Variants in TAF3 observed in about 807,000 individuals in gnomAD.
TAF3 encodes the protein transcription initiation factor TFIID subunit 3.
In TAF3, 7 loss-of-function variants were observed where a neutral mutation model predicts 80.6. The ratio of observed to expected loss-of-function variants is 0.09; its 90% confidence interval spans 0.05 to 0.16. TAF3 has a LOEUF of 0.16. Among genes scored for constraint, TAF3 ranks in the 10% least tolerant of loss-of-function variants. The pLI is 1.00. For synonymous variants in TAF3, 444 were observed against 446.1 expected (o/e 1.00, Z 0.06); for missense variants, 921 against 1,140.2 (o/e 0.81, Z 2.77).
intron 2 of TAF3, among the ~76,000 whole-genome samples, chr10:7,882,829 A>G (rs991388909): frequency 5.3e-5 from 8 of 152,218 alleles, no homozygotes; most frequent in African/African-American, 1.9e-4. Flanking sequence ...AAGATACAAG[A>G]ATAGCACAAA....
At chr10:7,976,555 C>T (rs879919524) in intron 3 of TAF3, among the ~76,000 whole-genome samples, 31 of 152,014 alleles carry the variant, frequency 2.0e-4, no homozygotes, top group Non-Finnish European at 2.9e-4. Context: ...GCTGGGACTA[C>T]AGGCGCCCGC....
chr10:8,015,786 G>A lies in TAF3; in HGVS notation c.*1035G>A, dbSNP rs1832097874. The A allele has an allele frequency of 6.6e-6, 1 of 151,492 alleles. No homozygotes were observed. 9.4% of individuals were successfully genotyped at this position (151,492 alleles called of 1,614,324 possible). A position where few individuals can be genotyped will look rare whatever the true frequency, so the allele number is the denominator to read the frequency against. ...TTTATGACTTGAAGTTGTTTTGTTT[G>A]TTGTCTATTTTGTTTTTGTAAATTT... On this transcript the variant is annotated 3_prime_UTR_variant, in exon 7 of 7. Coordinates refer to ENST00000344293, the MANE Select transcript of TAF3 (RefSeq NM_031923.4).
chr10:7,935,413 G>A (rs1588557737), intron 2 of TAF3, among the ~76,000 whole-genome samples: 2 of 151,838 alleles, frequency 1.3e-5, no homozygotes, highest in East Asian at 1.9e-4. Flanking sequence ...GTGAAACCCC[G>A]TCTTGACTAA....
At chr10:7,840,244 A>C (rs936684013) in intron 2 of TAF3, among the ~76,000 whole-genome samples, 1 of 150,306 alleles carries the variant, frequency 6.7e-6, no homozygotes, top group Non-Finnish European at 1.5e-5. Context: ...ACTCCACCTC[A>C]TGGGTTCACG....
At chr10:7,828,550 A>G (rs1836766096) in intron 2 of TAF3, among the ~76,000 whole-genome samples, 1 of 152,126 alleles carries the variant, frequency 6.6e-6, no homozygotes, top group African/African-American at 2.4e-5. Flanking sequence ...CCAGCTTGCC[A>G]TACATATTTT....
intron 4 of TAF3, among the ~76,000 whole-genome samples, chr10:7,999,307 A>G (rs1831920311): frequency 1.3e-5 from 2 of 152,230 alleles, no homozygotes; most frequent in African/African-American, 2.4e-5. Flanking sequence ...TTGACTGTCT[A>G]ATGTGGATGA....
chr10:7,835,660 G>A (rs944880554), intron 2 of TAF3, among the ~76,000 whole-genome samples: 1 of 152,224 alleles, frequency 6.6e-6, no homozygotes, highest in African/African-American at 2.4e-5. Flanking sequence ...ACTGGAAGTG[G>A]TCCCATCCTT....
At chr10:7,925,852 G>C (rs1274447427) in intron 2 of TAF3, among the ~76,000 whole-genome samples, 1 of 149,306 alleles carries the variant, frequency 6.7e-6, no homozygotes, top group African/African-American at 2.4e-5. Flanking sequence ...GGAAAAGTAA[G>C]ATTTTTTTAC....
At chr10:7,879,167 T>G (rs1019300355) in intron 2 of TAF3, among the ~76,000 whole-genome samples, 2 of 152,242 alleles carry the variant, frequency 1.3e-5, no homozygotes, top group African/African-American at 4.8e-5. Flanking sequence ...AGTGTTATTT[T>G]AAAATAGTAG....
intron 3 of TAF3, among the ~76,000 whole-genome samples, chr10:7,968,763 T>C (rs1831595971): frequency 6.6e-6 from 1 of 152,210 alleles, no homozygotes; most frequent in Non-Finnish European, 1.5e-5. Flanking sequence ...CAATCCAGGC[T>C]GTCAGATGCT....
intron 2 of TAF3, among the ~76,000 whole-genome samples, chr10:7,912,966 C>A (rs1837671305): frequency 6.6e-6 from 1 of 152,200 alleles, no homozygotes; most frequent in Admixed American, 6.5e-5. Flanking sequence ...CAGTTGATTT[C>A]TCCTAGTTCT....
At chr10:7,859,122 C>T (rs191915943) in intron 2 of TAF3, among the ~76,000 whole-genome samples, 159 of 151,894 alleles carry the variant, frequency 1.0e-3, no homozygotes, top group African/African-American at 3.6e-3. Context: ...ATTAGCTGGG[C>T]GTGTGGTGGG....
intron 2 of TAF3, among the ~76,000 whole-genome samples, chr10:7,867,683 C>G (rs925759742): frequency 1.3e-5 from 2 of 152,114 alleles, no homozygotes; most frequent in South Asian, 2.1e-4. Context: ...GGATAGTTTG[C>G]GCAGCTTTGA....
chr10:7,973,541 A>AT (rs1376602675), intron 3 of TAF3, among the ~76,000 whole-genome samples: 27 of 152,344 alleles, frequency 1.8e-4, no homozygotes, highest in African/African-American at 6.3e-4. Context: ...GGAAAACAAA[A>AT]TGGAAAAGAA....
At chr10:7,901,563 C>A (rs1019383436) in intron 2 of TAF3, among the ~76,000 whole-genome samples, 1 of 152,108 alleles carries the variant, frequency 6.6e-6, no homozygotes, top group Non-Finnish European at 1.5e-5. Flanking sequence ...ATGGCCAGTT[C>A]CATTTGGCCA....
chr10:7,913,062 G>T (rs1036164773), intron 2 of TAF3, among the ~76,000 whole-genome samples: 18 of 152,128 alleles, frequency 1.2e-4, no homozygotes, highest in African/African-American at 3.4e-4. Context: ...GGCGCCTCAC[G>T]CAAGGGTCTT....
chr10:7,920,730 G>T (rs1837755681), intron 2 of TAF3, among the ~76,000 whole-genome samples: 1 of 152,116 alleles, frequency 6.6e-6, no homozygotes, highest in Non-Finnish European at 1.5e-5. Flanking sequence ...GGTTAAATCT[G>T]AAAAGCTTTT....
At chr10:7,977,522 G>A (rs1831685493) in intron 4 of TAF3, among the ~76,000 whole-genome samples, 199 bp downstream of exon 4, 1 of 150,312 alleles carries the variant, frequency 6.7e-6, no homozygotes, top group African/African-American at 2.5e-5. Flanking sequence ...TTGACGTAAA[G>A]GATTTTTTTT....
Position 7,964,285 on chromosome 10 carries a change from A to G in TAF3, c.775A>G (p.Thr259Ala), listed in dbSNP as rs369898983. 7 of 1,614,098 alleles carry G rather than the reference A, an allele frequency of 4.3e-6. No homozygotes were observed. Among genetic ancestry groups the G allele is most frequent in the Non-Finnish European group, 5.1e-6 (6 of 1,180,042 alleles). The change falls in exon 3 of 7, where the codon ACT (threonine) becomes GCT (alanine). Residue 259 changes from threonine (T) to alanine (A), a missense_variant. This residue lies in a region of TAF3 where 743 missense variants were observed against 821.0 expected (regional missense o/e 0.90). Transcript: ENST00000344293. This position sits in a 1 kb window ranked among gnomAD's most constrained non-coding sequence, Gnocchi z 4.1. Reference protein sequence around the residue: ...LAPVAKSQMPTAKPLETKSFT... With the variant: ...LAPVAKSQMPAAKPLETKSFT... ...TCCAGTTGCAAAATCACAAATGCCA[A>G]CTGCAAAACCATTAGAAACAAAGTC...
Sources: gnomAD v4.1 joint callset for allele counts (sites outside exome capture counted in the v4.1 genomes callset) on GRCh38, gnomAD v4.1.1 for gene constraint, gnomAD v4.1.1 regional missense constraint, Gnocchi (gnomAD v3.1) non-coding constraint, MANE v1.5 for transcripts, NCBI Gene and HGNC (gene_info 2026-07-23, HGNC 2026-07-21) for gene names.